The following CDH8 variants were observed in gnomAD, a reference collection of about 807,000 sequenced individuals.
CDH8 encodes the protein cadherin-8.
A neutral mutation model predicts 68.1 loss-of-function variants in CDH8; 17 were observed. The ratio of observed to expected loss-of-function variants is 0.25; its 90% confidence interval spans 0.17 to 0.37. The LOEUF (loss-of-function observed/expected upper bound fraction) is 0.37, where lower values mean the gene tolerates loss of function less well. Among genes scored for constraint, CDH8 ranks in the 10% least tolerant of loss-of-function variants. The pLI, the probability that CDH8 is intolerant of heterozygous loss-of-function variation, is 1.00. For missense variants in CDH8, 763 were observed against 999.3 expected (o/e 0.76, Z 3.19); for synonymous variants, 372 against 365.1 (o/e 1.02, Z -0.21).
intron 2 of CDH8, among the ~76,000 whole-genome samples, chr16:61,954,615 T>C (rs917222736): frequency 2.7e-5 from 4 of 148,044 alleles, no homozygotes; most frequent in Non-Finnish European, 4.4e-5. Flanking sequence ...GGCAGGGGAA[T>C]GGCGTGAACC....
intron 8 of CDH8, among the ~76,000 whole-genome samples, chr16:61,779,847 T>C (rs1281071712): frequency 2.0e-5 from 3 of 152,198 alleles, no homozygotes; most frequent in Non-Finnish European, 4.4e-5. Flanking sequence ...GAAAAACCGT[T>C]TCGTTCACTT....
At chr16:61,734,974 G>A (rs1959635869) in intron 8 of CDH8, among the ~76,000 whole-genome samples, 1 of 152,120 alleles carries the variant, frequency 6.6e-6, no homozygotes, top group South Asian at 2.1e-4. Flanking sequence ...AGCCTCCAGT[G>A]AAGTATCTTT....
intron 3 of CDH8, among the ~76,000 whole-genome samples, chr16:61,890,062 G>C (rs1963746107): frequency 6.6e-6 from 1 of 152,178 alleles, no homozygotes; most frequent in South Asian, 2.1e-4. Context: ...GCTCAGAGAA[G>C]GCTCGGTTGA....
chr16:61,794,351 T>C (rs1018508972), intron 7 of CDH8, among the ~76,000 whole-genome samples: 1 of 152,022 alleles, frequency 6.6e-6, no homozygotes, highest in African/African-American at 2.4e-5. Flanking sequence ...CTGGCGTATA[T>C]GTGATTTAGT....
chr16:61,721,409 T>C (rs986104762), intron 9 of CDH8, among the ~76,000 whole-genome samples: 2 of 150,894 alleles, frequency 1.3e-5, no homozygotes, highest in East Asian at 1.9e-4. Context: ...TTAAATCTCT[T>C]ATATTTATTA....
chr16:61,928,862 G>A (rs963961856), intron 2 of CDH8, among the ~76,000 whole-genome samples: 15 of 152,174 alleles, frequency 9.9e-5, no homozygotes, highest in South Asian at 2.1e-4. Flanking sequence ...TGTCTGTCAA[G>A]TGACATACAT....
chr16:61,838,765 A>G (rs1313524025), intron 4 of CDH8, among the ~76,000 whole-genome samples: 1 of 152,174 alleles, frequency 6.6e-6, no homozygotes, highest in Non-Finnish European at 1.5e-5. Context: ...CATTTTATGC[A>G]GAGAAAACAT....
rs1965110592 is a variant in CDH8, at chr16:61,960,258, T to TATATACGTGTGTGTATACAC, written c.253-58786_253-58785insGTGTATACACACACGTATAT. ...ATATACATGTGTGTGTGTATACACA[T>TATATACGTGTGTGTATACAC]ACATATATACGTGTGTGTGTATACA... On this transcript the variant is annotated intron_variant, in intron 2 of 11. Coordinates refer to ENST00000577390, the MANE Select transcript of CDH8 (RefSeq NM_001796.5). Among the ~76,000 whole-genome samples the TATATACGTGTGTGTATACAC allele has an allele frequency of 1.4e-4, 7 of 51,832 alleles. 3 individuals are homozygous for TATATACGTGTGTGTATACAC. Among genetic ancestry groups the TATATACGTGTGTGTATACAC allele is most frequent in the Admixed American group, 9.5e-4 (5 of 5,272 alleles). The allele number at this position is 51,832 out of a possible 152,430, so 34.0% of individuals were successfully genotyped here.
Position 61,763,643 on chromosome 16 carries a change from T to C in CDH8, c.1414+25703A>G, listed in dbSNP as rs374653421. ...AATCAAGCGTTACCTGGTTGCACAGTTGACAGCATAAAAAATCATTTATCA... is the reference window on the plus strand; with the variant it reads ...AATCAAGCGTTACCTGGTTGCACAGCTGACAGCATAAAAAATCATTTATCA... On this transcript the variant is annotated intron_variant, in intron 8 of 11. Coordinates refer to ENST00000577390, the MANE Select transcript of CDH8 (RefSeq NM_001796.5). Among the ~76,000 whole-genome samples the C allele has an allele frequency of 2.6e-5, 4 of 152,278 alleles. No individual in the cohort carries two copies. In the East Asian group the frequency reaches 7.7e-4, roughly 29 times the overall value.
rs56012802 is a variant in CDH8 at position 61,700,278 on chromosome 16, GT to G, written c.1654+13562del. On this transcript the variant is annotated intron_variant, in intron 10 of 11. Transcript: ENST00000577390. Reference sequence around the variant, plus strand: ...TCATATATTAGATCTATTTTTAGTTGTTTTTTTTTTTTTTTCTTTTGAGACG... The same window carrying G: ...TCATATATTAGATCTATTTTTAGTTGTTTTTTTTTTTTTTCTTTTGAGACG... Among the ~76,000 whole-genome samples, 442 of 136,448 alleles carry G rather than the reference GT, an allele frequency of 3.2e-3. 1 individual carries two copies. Among genetic ancestry groups the G allele is most frequent in the Middle Eastern group, 7.9e-3 (2 of 252 alleles). 89.5% of individuals were successfully genotyped at this position (136,448 alleles called of 152,430 possible). A position where few individuals can be genotyped will look rare whatever the true frequency, so the allele number is the denominator to read the frequency against.
chr16:61,911,623 A>C (rs895352011), intron 2 of CDH8, among the ~76,000 whole-genome samples: 4 of 145,536 alleles, frequency 2.7e-5, no homozygotes, highest in Admixed American at 6.8e-5. Flanking sequence ...AATTCCCTAA[A>C]CCCCCCCCCA....
At chr16:61,703,507 C>T (rs1423583471) in intron 10 of CDH8, among the ~76,000 whole-genome samples, 1 of 152,164 alleles carries the variant, frequency 6.6e-6, no homozygotes, top group East Asian at 1.9e-4. Flanking sequence ...GCCAAAGTTA[C>T]TTTTTATTTC....
At chr16:61,929,688 A>G (rs1362845573) in intron 2 of CDH8, among the ~76,000 whole-genome samples, 2 of 152,136 alleles carry the variant, frequency 1.3e-5, no homozygotes, top group Non-Finnish European at 2.9e-5. Flanking sequence ...GGAGTTGGAG[A>G]CCAGCCTGGG....
intron 2 of CDH8, among the ~76,000 whole-genome samples, chr16:61,921,524 C>T (rs777251703): frequency 2.6e-5 from 4 of 152,222 alleles, no homozygotes; most frequent in Middle Eastern, 3.4e-3. Flanking sequence ...AATCTGTCCC[C>T]GAACAGAAAC....
At chr16:61,969,821 T>C (rs16964111) in intron 2 of CDH8, among the ~76,000 whole-genome samples, 3,570 of 152,296 alleles carry the variant, frequency 0.023, 115 homozygotes, top group African/African-American at 0.074. Context: ...TGAGCCCATC[T>C]TCTAAACAAC....
At chr16:61,725,007 C>T (rs1959307856) in intron 9 of CDH8, among the ~76,000 whole-genome samples, 1 of 150,844 alleles carries the variant, frequency 6.6e-6, no homozygotes, top group African/African-American at 2.4e-5. Context: ...GCATGTACAT[C>T]AGTCAGCCAT....
At chr16:61,919,102 G>A (rs1234794100) in intron 2 of CDH8, among the ~76,000 whole-genome samples, 2 of 145,738 alleles carry the variant, frequency 1.4e-5, no homozygotes, top group African/African-American at 2.6e-5. Flanking sequence ...GCAGCTGAGG[G>A]TCCTGTCTGT....
intron 8 of CDH8, among the ~76,000 whole-genome samples, chr16:61,768,398 T>TCTCTCTCTCTCTC (rs1960684849): frequency 7.1e-4 from 25 of 35,216 alleles, no homozygotes; most frequent in South Asian, 1.3e-3. Context: ...CTCTCTCCCT[T>TCTCTCTCTCTCTC]TCTCTCTCTC....
intron 7 of CDH8, 61 bp from the exon 8 acceptor site, chr16:61,789,543 C>A: frequency 1.4e-6 from 2 of 1,467,640 alleles, no homozygotes; most frequent in South Asian, 1.3e-5. Flanking sequence ...CATTCCACAG[C>A]AGACCTTTAG....
Sources: gnomAD v4.1 joint callset for allele counts (sites outside exome capture counted in the v4.1 genomes callset) on GRCh38, gnomAD v4.1.1 for gene constraint, MANE v1.5 for transcripts, NCBI Gene and HGNC (gene_info 2026-07-23, HGNC 2026-07-21) for gene names.